The following NUP133 variants were observed in gnomAD, a reference collection of about 807,000 sequenced individuals.
The protein encoded by NUP133 is nucleoporin 133, also known as nuclear pore complex protein Nup133.
NUP133 carries 66 observed loss-of-function variants against 146.2 expected under a neutral mutation model. That is an observed-to-expected ratio of 0.45 (90% CI 0.37 to 0.55). The LOEUF is 0.55. Ranked by LOEUF, NUP133 falls within the 20% of genes least tolerant of loss-of-function variation. The pLI, the probability that NUP133 is intolerant of heterozygous loss-of-function variation, is 0.00. For synonymous variants in NUP133, 521 were observed against 498.8 expected, an observed-to-expected ratio of 1.04 and a Z score of -0.59; for missense variants, 1,277 against 1,374.8, an observed-to-expected ratio of 0.93 and a Z score of 1.12.
chr1:229,449,590 C>T (rs1003545222), intron 23 of NUP133, among the ~76,000 whole-genome samples: 6 of 151,374 alleles, frequency 4.0e-5, no homozygotes, highest in Admixed American at 3.3e-4. Context: ...AGACTGGTCT[C>T]GAACTTCTGA....
intron 19 of NUP133, among the ~76,000 whole-genome samples, chr1:229,463,298 T>C (rs1268350394): frequency 1.3e-5 from 2 of 151,952 alleles, no homozygotes; most frequent in African/African-American, 4.8e-5. Context: ...GCAGGAGGTG[T>C]GGGAGGGGGT....
At chr1:229,461,591 G>A (rs1018064032) in intron 19 of NUP133, among the ~76,000 whole-genome samples, 1 of 152,094 alleles carries the variant, frequency 6.6e-6, no homozygotes, top group Non-Finnish European at 1.5e-5. Flanking sequence ...ATACTATGGA[G>A]TTTTAAAAAT....
intron 18 of NUP133, 95 bp downstream of exon 18, chr1:229,464,529 G>T: frequency 7.1e-7 from 1 of 1,409,302 alleles, no homozygotes; most frequent in Non-Finnish European, 9.7e-7. Context: ...ATTACAGTTG[G>T]ATTAACACTA....
rs1361999697 is a variant in NUP133, at chr1:229,470,515, T to C, written c.2076+65A>G. Reference sequence around the variant, plus strand: ...TTTAACTCGTCCTCACCGTCTTTCCTGCCTAGGGCATGATCACTAAATGGC... The same window carrying C: ...TTTAACTCGTCCTCACCGTCTTTCCCGCCTAGGGCATGATCACTAAATGGC... On this transcript the variant is annotated intron_variant, in intron 15 of 25. Coordinates refer to ENST00000261396, the MANE Select transcript of NUP133 (RefSeq NM_018230.3). 15 of 1,321,588 alleles carry C rather than the reference T, an allele frequency of 1.1e-5. 1 individual carries two copies. The South Asian group carries it at 1.4e-4, about 13-fold the overall frequency. 81.9% of individuals were successfully genotyped at this position (1,321,588 alleles called of 1,614,324 possible).
chr1:229,470,248 G>T (rs536881136), intron 15 of NUP133, among the ~76,000 whole-genome samples: 122 of 144,752 alleles, frequency 8.4e-4, no homozygotes, highest in Non-Finnish European at 1.7e-3. Flanking sequence ...TGAGGTAGGA[G>T]AATCACTGGA....
intron 5 of NUP133, 142 bp downstream of exon 5, chr1:229,499,542 A>T (rs1661744621): frequency 1.2e-6 from 1 of 807,644 alleles, no homozygotes; most frequent in Admixed American, 2.9e-5. Context: ...CCAAAGCAGG[A>T]GTTATTGCTT....
intron 19 of NUP133, among the ~76,000 whole-genome samples, chr1:229,461,130 T>A (rs1024939548): frequency 6.6e-6 from 1 of 152,216 alleles, no homozygotes; most frequent in Non-Finnish European, 1.5e-5. Context: ...AGTAGCCCCA[T>A]GTGGCCAGTG....
chr1:229,501,838 T>C (rs562679676), intron 3 of NUP133, among the ~76,000 whole-genome samples, 161 bp downstream of exon 3: 4 of 152,238 alleles, frequency 2.6e-5, no homozygotes, highest in Non-Finnish European at 4.4e-5. Context: ...CAAATGTGTA[T>C]GCATGCTCAT....
Position 229,450,910 on chromosome 1 carries a change from GAGA to G in NUP133, c.3100-308_3100-306del, listed in dbSNP as rs529823713. 2.0e-4 allele frequency: 32 copies of G among 160,156 alleles called. No homozygotes were observed. In the East Asian group the frequency reaches 5.5e-3, roughly 28 times the overall value. 9.9% of individuals were successfully genotyped at this position (160,156 alleles called of 1,614,324 possible). On this transcript the variant is annotated intron_variant, in intron 22 of 25. Coordinates refer to ENST00000261396, the MANE Select transcript of NUP133 (RefSeq NM_018230.3). Reference sequence around the variant, plus strand: ...CTGGCTAATTTTTGTATTTTTAGTAGAGAAGATTTCACCCTGTTGGCCAGGCTG... The same window carrying G: ...CTGGCTAATTTTTGTATTTTTAGTAGAGATTTCACCCTGTTGGCCAGGCTG...
At chr1:229,489,803 G>A (rs926263883) in intron 9 of NUP133, 152 bp downstream of exon 9, 5 of 544,684 alleles carry the variant, frequency 9.2e-6, no homozygotes, top group Non-Finnish European at 1.5e-5. Context: ...CCTGGAAGGG[G>A]AGACAGAGGT....
intron 19 of NUP133, among the ~76,000 whole-genome samples, chr1:229,462,981 G>T (rs1378609724): frequency 1.3e-5 from 2 of 152,104 alleles, no homozygotes. Context: ...CAATTTTTAA[G>T]AACTTTACCA....
intron 8 of NUP133, among the ~76,000 whole-genome samples, chr1:229,493,001 C>A (rs868069105): frequency 1.3e-5 from 2 of 152,118 alleles, no homozygotes; most frequent in Non-Finnish European, 2.9e-5. Flanking sequence ...CTCTACAATG[C>A]CAGGCTGGCC....
chr1:229,485,963 G>C (rs1191135985), intron 11 of NUP133, among the ~76,000 whole-genome samples: 2 of 152,088 alleles, frequency 1.3e-5, no homozygotes, highest in Non-Finnish European at 2.9e-5. Flanking sequence ...AGGAGTTTGA[G>C]ACCAGCCTAG....
At chr1:229,470,051 C>T (rs907707078) in intron 15 of NUP133, among the ~76,000 whole-genome samples, 2 of 151,978 alleles carry the variant, frequency 1.3e-5, no homozygotes, top group Non-Finnish European at 2.9e-5. Context: ...AAGAGTAGAT[C>T]GAGAGAGACA....
Position 229,464,880 on chromosome 1 carries a change from G to A in NUP133, c.2300-5C>T, listed in dbSNP as rs1389608507. On this transcript the variant is annotated splice_polypyrimidine_tract_variant and splice_region_variant and intron_variant, in intron 17 of 25. Transcript: ENST00000261396. ...TGCCACCAGGACCACTTGTTGCTGT[G>A]AAATTACACAAAATAATATGGTTAA... 2 of 1,613,510 alleles carry A rather than the reference G, an allele frequency of 1.2e-6. No homozygotes were observed. The highest frequency in any genetic ancestry group is 1.7e-6 in the Non-Finnish European group (2 of 1,179,492).
intron 20 of NUP133, among the ~76,000 whole-genome samples, chr1:229,460,232 G>C (rs538278767): frequency 6.6e-6 from 1 of 152,248 alleles, no homozygotes; most frequent in African/African-American, 2.4e-5. Context: ...GCCTCACTCT[G>C]TTGCCTAGGC....
In NUP133 at chr1:229,449,181, T is replaced by C; in HGVS notation, c.3190A>G (p.Ile1064Val). Residue 1064 changes from isoleucine (I) to valine (V), a missense_variant, in exon 24 of 26, where the codon ATA becomes GTA. This residue lies in a region of NUP133 where 952 missense variants were observed against 1,047.0 expected (regional missense o/e 0.91). Transcript: ENST00000261396. ...LLEYIDEEED[I>V]NINDLKLEIL... ...TCCAGTTTTAGATCATTTATATTTA[T>C]ATCTTCTTCCTTCACAGCAAAACAA... 4 of 1,607,126 alleles carry C rather than the reference T, an allele frequency of 2.5e-6. No homozygotes were observed. The highest frequency in any genetic ancestry group is 8.5e-7 in the Non-Finnish European group (1 of 1,175,332).
intron 20 of NUP133, among the ~76,000 whole-genome samples, chr1:229,459,859 C>A (rs1660652383): frequency 6.6e-6 from 1 of 152,174 alleles, no homozygotes; most frequent in Non-Finnish European, 1.5e-5. Flanking sequence ...CTGACTTCAA[C>A]TCCTCTGGAT....
chr1:229,493,783 C>G (rs1661584151), intron 8 of NUP133, among the ~76,000 whole-genome samples: 1 of 152,190 alleles, frequency 6.6e-6, no homozygotes, highest in Admixed American at 6.5e-5. Context: ...CATAGCAATT[C>G]CTAAGCATGC....
Sources: allele counts gnomAD v4.1 joint callset (sites outside exome capture counted in the v4.1 genomes callset), GRCh38; gene constraint gnomAD v4.1.1; regional missense constraint gnomAD v4.1.1; transcripts MANE v1.5; gene names NCBI Gene and HGNC (gene_info 2026-07-23, HGNC 2026-07-21).